BTD: variants seen among roughly 807,000 people sequenced by gnomAD.
BTD encodes biocytinase.
BTD carries 13 observed loss-of-function variants against 17.7 expected under a neutral mutation model. That is an observed-to-expected ratio of 0.74 (90% CI 0.48 to 1.17). The LOEUF (loss-of-function observed/expected upper bound fraction) is 1.17. Among genes scored for constraint, BTD ranks in the 50% most tolerant of loss-of-function variants. The probability of loss-of-function intolerance (pLI) is 0.00; values close to 1 mark genes in which losing one functional copy is unlikely to be tolerated. For synonymous variants in BTD, 240 were observed against 245.2 expected (o/e 0.98, Z 0.20); for missense variants, 674 against 650.4 (o/e 1.04, Z -0.39).
Position 15,602,322 on chromosome 3 carries a change from CA to C in BTD, c.-17+429del, listed in dbSNP as rs2064288072. On this transcript the variant is annotated intron_variant, in intron 1 of 3. Transcript: ENST00000643237. The stretch of plus-strand genomic sequence containing the variant: ...AGAGCACCTTGAAGGTAGTATAGAG[CA>C]CTGTTTTCTCCAGCCCTTGCTACTA... 3 of 1,083,704 alleles carry C rather than the reference CA, an allele frequency of 2.8e-6. No homozygotes were observed. The Admixed American group carries it at 1.4e-4, about 51-fold the overall frequency. The allele number at this position is 1,083,704 out of a possible 1,614,324, so 67.1% of individuals were successfully genotyped here.
At chr3:15,687,107 G>A (rs957186908) in intron 3 of BTD, among the ~76,000 whole-genome samples, 1 of 151,464 alleles carries the variant, frequency 6.6e-6, no homozygotes, top group Non-Finnish European at 1.5e-5. Context: ...CACACCCGGC[G>A]ATTTTTTTTG....
chr3:15,682,060 T>C (rs896120216), intron 3 of BTD, among the ~76,000 whole-genome samples: 1 of 152,048 alleles, frequency 6.6e-6, no homozygotes, highest in Non-Finnish European at 1.5e-5. Flanking sequence ...AGGTGTGGCC[T>C]AGGGAACCCT....
chr3:15,686,610 G>C (rs1215456159), intron 3 of BTD, among the ~76,000 whole-genome samples: 1 of 152,164 alleles, frequency 6.6e-6, no homozygotes, highest in Non-Finnish European at 1.5e-5. Context: ...TGGTCAGGAA[G>C]AGTGCCTTGA....
chr3:15,631,110 T>C (rs73817032), intron 1 of BTD, among the ~76,000 whole-genome samples: 4,842 of 152,330 alleles, frequency 0.032, 256 homozygotes, highest in African/African-American at 0.11. Flanking sequence ...TTCATGAGAA[T>C]AATTTAAAGA....
intron 3 of BTD, among the ~76,000 whole-genome samples, chr3:15,689,246 T>G (rs1478961831): frequency 6.6e-6 from 1 of 152,166 alleles, no homozygotes; most frequent in African/African-American, 2.4e-5. Flanking sequence ...CAGAGATAAG[T>G]CCAGGCTGTA....
At chr3:15,696,313 C>T (rs1159383443) in intron 3 of BTD, 1 of 1,044,500 alleles carries the variant, frequency 9.6e-7, no homozygotes, top group African/African-American at 1.6e-5. Context: ...TAAAAAGAGA[C>T]TGAAATTAAA....
At chr3:15,706,703 C>A (rs553677985) in intron 3 of BTD, among the ~76,000 whole-genome samples, 1 of 152,192 alleles carries the variant, frequency 6.6e-6, no homozygotes, top group Admixed American at 6.5e-5. Flanking sequence ...TATAGTCCCA[C>A]CAACAGTATA....
Position 15,644,526 on chromosome 3 carries a change from C to T in BTD, c.610C>T (p.Pro204Ser). The T allele has an allele frequency of 6.2e-7, 1 of 1,614,134 alleles. No individual in the cohort carries two copies. Among genetic ancestry groups the T allele is most frequent in the Non-Finnish European group, 8.5e-7 (1 of 1,180,036 alleles). Residue 204 changes from proline (P) to serine (S), a missense_variant, in exon 4 of 4, where the codon CCT becomes TCT. Physicochemically the swap from Pro to Ser is moderately conservative, Grantham distance 74. Coordinates refer to ENST00000643237, the MANE Select transcript of BTD (RefSeq NM_001370658.1). ...NLYFEAAFDVPLKVDLITFDT... is the reference protein window; with the variant it reads ...NLYFEAAFDVSLKVDLITFDT... ...CTACTTTGAGGCAGCATTCGATGTT[C>T]CTCTTAAAGTGGATCTCATCACCTT...
At chr3:15,709,806 GAAGCATGA>G in intron 3 of BTD, 1 of 1,002,002 alleles carries the variant, frequency 1.0e-6, no homozygotes. Context: ...TAGGTTTAAA[GAAGCATGA>G]AAGCATGTTT....
At position 15,674,831 on chromosome 3, in the gene BTD, T is replaced by C. The variant is rs576297894; in HGVS notation, c.399+32774T>C. Among the ~76,000 whole-genome samples the C allele has an allele frequency of 4.6e-5, 7 of 152,248 alleles. No homozygotes were observed. In the South Asian group the frequency reaches 1.2e-3, roughly 27 times the overall value. On this transcript the variant is annotated intron_variant, in intron 3 of 3. Coordinates refer to the BTD transcript ENST00000672141. ...AAAATTTATCAAAGGAAACGATCAG[T>C]TGTGCCAAAAGCTGATCTATCAAGT...
Position 15,644,463 on chromosome 3 carries a change from A to G in BTD, c.547A>G (p.Asn183Asp), listed in dbSNP as rs1257124004. The G allele has an allele frequency of 3.1e-6, 5 of 1,613,936 alleles. No individual in the cohort carries two copies. Among genetic ancestry groups the G allele is most frequent in the Non-Finnish European group, 4.2e-6 (5 of 1,180,010 alleles). Reference sequence around the variant, plus strand: ...CAACACAAATGTCGTGTTCAGCAATAATGGAACCCTTGTTGACCGCTACCG... The same window carrying G: ...CAACACAAATGTCGTGTTCAGCAATGATGGAACCCTTGTTGACCGCTACCG... ...QFNTNVVFSN[N>D]GTLVDRYRKH... Residue 183 changes from asparagine to aspartate, a missense_variant, in exon 4 of 4, where the codon AAT becomes GAT. Physicochemically the swap from Asn to Asp is conservative, Grantham distance 23. Coordinates refer to ENST00000643237, the MANE Select transcript of BTD (RefSeq NM_001370658.1).
intron 3 of BTD, chr3:15,667,253 CTTTA>C (rs891844184): frequency 2.6e-5 from 4 of 152,224 alleles, no homozygotes; most frequent in Non-Finnish European, 4.4e-5. Flanking sequence ...CATTAAAAAA[CTTTA>C]TTTCTTTTAA....
rs2125526457 is a variant in BTD, at chr3:15,651,135, C to T, written c.*5647C>T. On this transcript the variant is annotated 3_prime_UTR_variant, in exon 4 of 4. Transcript: ENST00000643237. ...CACTATTAGGGTGAGGGATGATAGG[C>T]TTAGCTCTGACCTGAAATTCATGGA... Among the ~76,000 whole-genome samples, 1 of 152,286 alleles carries T rather than the reference C, an allele frequency of 6.6e-6. No homozygotes were observed. Among genetic ancestry groups the T allele is most frequent in the East Asian group, 1.9e-4 (1 of 5,180 alleles).
intron 3 of BTD, chr3:15,694,683 T>C: frequency 6.9e-7 from 1 of 1,458,702 alleles, no homozygotes. Context: ...AAATAGGTTA[T>C]TAGATATTTT....
intron 4 of BTD, chr3:15,720,841 C>G: frequency 3.8e-6 from 5 of 1,329,408 alleles, no homozygotes; most frequent in Non-Finnish European, 5.2e-6. Flanking sequence ...TTTTATTGCT[C>G]AATGGTATTC....
At chr3:15,633,655 T>G (rs11915606) in intron 1 of BTD, among the ~76,000 whole-genome samples, 4,846 of 152,266 alleles carry the variant, frequency 0.032, 257 homozygotes, top group African/African-American at 0.11. Flanking sequence ...TTGCCCCCAC[T>G]GGGGACTGGT....
intron 3 of BTD, among the ~76,000 whole-genome samples, chr3:15,699,452 G>A (rs181607728): frequency 6.6e-6 from 1 of 152,260 alleles, no homozygotes; most frequent in East Asian, 1.9e-4. Context: ...AGAGTGAACA[G>A]GCAATCTACA....
At chr3:15,708,127 A>G in intron 3 of BTD, 1 of 1,514,994 alleles carries the variant, frequency 6.6e-7, no homozygotes, top group Non-Finnish European at 9.0e-7. Flanking sequence ...AAACAAAAGC[A>G]TAGTTGACTC....
chr3:15,721,811 C>T (rs925026632), exon 5 of BTD, among the ~76,000 whole-genome samples: 4 of 152,148 alleles, frequency 2.6e-5, no homozygotes, highest in Admixed American at 6.5e-5. Context: ...GTGGCACGAT[C>T]TCAGCTCACC....
Sources: gnomAD v4.1 joint callset for allele counts (sites outside exome capture counted in the v4.1 genomes callset) on GRCh38, gnomAD v4.1.1 for gene constraint, MANE v1.5 for transcripts, NCBI Gene and HGNC (gene_info 2026-07-23, HGNC 2026-07-21) for gene names.